The following DEAF1 variants were observed in gnomAD, a reference collection of about 807,000 sequenced individuals.
The protein encoded by DEAF1 is DEAF1 transcription factor.
In DEAF1, 53 loss-of-function variants were observed where a neutral mutation model predicts 58.9. That is an observed-to-expected ratio of 0.90 (90% confidence interval 0.72 to 1.13). The LOEUF is 1.13. Among genes scored for constraint, DEAF1 ranks in the 50% most tolerant of loss-of-function variants. DEAF1 has a pLI of 0.00. For missense variants in DEAF1, 685 were observed against 791.4 expected (o/e 0.87, Z 1.61); for synonymous variants, 385 against 340.4 (o/e 1.13, Z -1.44).
At chr11:686,222 G>A (rs1197280818) in intron 5 of DEAF1, among the ~76,000 whole-genome samples, 1 of 150,294 alleles carries the variant, frequency 6.7e-6, no homozygotes, top group African/African-American at 2.4e-5. Context: ...AGCCTGGGAG[G>A]TGGAGGTTGC....
At chr11:645,340 A>G (rs577327554) in intron 11 of DEAF1, among the ~76,000 whole-genome samples, 63 of 151,684 alleles carry the variant, frequency 4.2e-4, no homozygotes, top group African/African-American at 1.4e-3. Context: ...TTTTTCGGAC[A>G]GAGTTTCGCT....
intron 1 of DEAF1, chr11:704,056 A>T (rs945544756): frequency 1.2e-5 from 14 of 1,152,284 alleles, no homozygotes; most frequent in African/African-American, 1.6e-5. Context: ...TGTTTGGAAT[A>T]ATTACACCCA....
At chr11:704,265 G>A (rs554478354) in intron 1 of DEAF1, 13 of 724,246 alleles carry the variant, frequency 1.8e-5, no homozygotes, top group South Asian at 1.1e-4. Context: ...CCTTCCGCTC[G>A]GTGGACTCCT....
At chr11:686,466 CTCTTT>C (rs1860597103) in intron 5 of DEAF1, among the ~76,000 whole-genome samples, 1 of 152,122 alleles carries the variant, frequency 6.6e-6, no homozygotes, top group Non-Finnish European at 1.5e-5. Context: ...ATTAGAAGTC[CTCTTT>C]TCTTAGTAGA....
At chr11:680,486 T>C (rs1189137530) in intron 7 of DEAF1, among the ~76,000 whole-genome samples, 1 of 152,208 alleles carries the variant, frequency 6.6e-6, no homozygotes. Flanking sequence ...GGCACGTGCC[T>C]GTGGTCCCAG....
At chr11:655,828 T>C (rs894177860) in intron 10 of DEAF1, among the ~76,000 whole-genome samples, 2 of 151,494 alleles carry the variant, frequency 1.3e-5, no homozygotes, top group African/African-American at 4.8e-5. Context: ...ACTTTATTTA[T>C]TTATTATTAT....
intron 11 of DEAF1, among the ~76,000 whole-genome samples, chr11:646,816 C>T (rs139222665): frequency 5.6e-4 from 85 of 151,578 alleles, no homozygotes; most frequent in Middle Eastern, 6.8e-3. Context: ...TTTTGAAAAA[C>T]GGAAAAAAAT....
intron 7 of DEAF1, 154 bp from the exon 8 acceptor site, chr11:679,970 T>A (rs1384406333): frequency 1.3e-5 from 14 of 1,076,684 alleles, no homozygotes; most frequent in Non-Finnish European, 1.9e-5. Context: ...ACGGGGGAAA[T>A]CCCAGACCTT....
chr11:703,204 T>A lies in DEAF1; in HGVS notation c.-438+3368A>T, dbSNP rs557591179. The A allele has an allele frequency of 2.4e-5, 36 of 1,529,724 alleles. No homozygotes were observed. The African/African-American group carries it at 4.1e-4, about 17-fold the overall frequency. The allele number at this position is 1,529,724 out of a possible 1,614,324, so 94.8% of individuals were successfully genotyped here. On this transcript the variant is annotated intron_variant, in intron 1 of 11. Coordinates refer to the DEAF1 transcript ENST00000683307. ...GGGCCCTCCTCCTGGGCCTGACCAG[T>A]CCCCCAGCTGTCACCTCCCCATTCC...
intron 11 of DEAF1, among the ~76,000 whole-genome samples, chr11:648,038 A>C (rs1858580319): frequency 7.2e-6 from 1 of 139,706 alleles, no homozygotes; most frequent in Non-Finnish European, 1.5e-5. Flanking sequence ...AGGTGGGTGG[A>C]CTTGACCCAG....
intron 5 of DEAF1, 122 bp from the exon 6 acceptor site, chr11:685,085 T>A: frequency 1.5e-6 from 1 of 649,354 alleles, no homozygotes; most frequent in Non-Finnish European, 2.4e-6. Context: ...AAAAATTCTT[T>A]TTTTTTTTTT....
At chr11:704,094 A>G (rs1211240102) in intron 1 of DEAF1, 3 of 1,101,826 alleles carry the variant, frequency 2.7e-6, no homozygotes, top group East Asian at 6.7e-5. Context: ...TCTTCACCGC[A>G]TTTTGTAAAT....
Position 695,176 on chromosome 11 carries a change from A to G in DEAF1, c.-129T>C. 1.2e-6 allele frequency: 1 copy of G among 858,962 alleles called. No homozygotes were observed. The highest frequency in any genetic ancestry group is 1.6e-6 in the Non-Finnish European group (1 of 632,846). 53.2% of individuals were successfully genotyped at this position (858,962 alleles called of 1,614,324 possible). On this transcript the variant is annotated 5_prime_UTR_variant, in exon 1 of 12. Transcript: ENST00000382409. ...GGCCGCCCGAAGCCGCCGCCCGAAT[A>G]GGGACCGAAAAGGCAGCCAGCCGCC...
intron 11 of DEAF1, among the ~76,000 whole-genome samples, chr11:649,102 T>G (rs1433208186): frequency 6.6e-6 from 1 of 151,980 alleles, no homozygotes; most frequent in Non-Finnish European, 1.5e-5. Flanking sequence ...AATACAAAAA[T>G]TAGCCTGGCA....
upstream of DEAF1, among the ~76,000 whole-genome samples, chr11:697,309 A>C (rs894012609): frequency 6.6e-6 from 1 of 152,234 alleles, no homozygotes; most frequent in Non-Finnish European, 1.5e-5. Context: ...TGTCCATTAC[A>C]TCAGGGAAAA....
chr11:693,993 G>A (rs1486819345), intron 1 of DEAF1, among the ~76,000 whole-genome samples: 1 of 152,182 alleles, frequency 6.6e-6, no homozygotes, highest in African/African-American at 2.4e-5. Context: ...CAGCCACGCT[G>A]ACCTCTGGCA....
intron 9 of DEAF1, chr11:678,288 C>A: frequency 3.9e-6 from 1 of 257,096 alleles, no homozygotes; most frequent in Non-Finnish European, 7.7e-6. Flanking sequence ...AGATTTAGGC[C>A]ACATTTAGGC....
chr11:683,264 G>A (rs1860450831), intron 6 of DEAF1, among the ~76,000 whole-genome samples: 1 of 152,184 alleles, frequency 6.6e-6, no homozygotes, highest in African/African-American at 2.4e-5. Flanking sequence ...TCCAGGTCAG[G>A]AAGATTTTCC....
At chr11:669,591 G>T (rs1859714496) in intron 10 of DEAF1, among the ~76,000 whole-genome samples, 1 of 151,520 alleles carries the variant, frequency 6.6e-6, no homozygotes, top group Non-Finnish European at 1.5e-5. Flanking sequence ...AGCCGAGATT[G>T]TGCCATTGGA....
Sources: gnomAD v4.1 joint callset for allele counts (sites outside exome capture counted in the v4.1 genomes callset) on GRCh38, gnomAD v4.1.1 for gene constraint, MANE v1.5 for transcripts, NCBI Gene and HGNC (gene_info 2026-07-23, HGNC 2026-07-21) for gene names.